Variants in PCDHGB1 observed in about 807,000 individuals in gnomAD.
PCDHGB1 encodes the protein protocadherin gamma-B1.
A neutral mutation model predicts 56.6 loss-of-function variants in PCDHGB1; 34 were observed. The ratio of observed to expected loss-of-function variants is 0.60; its 90% confidence interval spans 0.46 to 0.80. The LOEUF is 0.80. Ranked by LOEUF, PCDHGB1 falls within the 30% of genes least tolerant of loss-of-function variation. The pLI is 0.00. For synonymous variants in PCDHGB1, 561 were observed against 505.9 expected (o/e 1.11, Z -1.46); for missense variants, 1,278 against 1,204.6 (o/e 1.06, Z -0.90).
At position 141,512,047 on chromosome 5, in the gene PCDHGB1, C is replaced by T. The variant is rs1183612907; in HGVS notation, c.*874C>T. 1 of 152,722 alleles carries T rather than the reference C, an allele frequency of 6.5e-6. No individual in the cohort carries two copies. The highest frequency in any genetic ancestry group is 1.5e-5 in the Non-Finnish European group (1 of 68,120). The allele number at this position is 152,722 out of a possible 1,614,324, so 9.5% of individuals were successfully genotyped here. A position where few individuals can be genotyped will look rare whatever the true frequency, so the allele number is the denominator to read the frequency against. On this transcript the variant is annotated 3_prime_UTR_variant, in exon 4 of 4. Coordinates refer to ENST00000523390, the MANE Select transcript of PCDHGB1 (RefSeq NM_018922.3). The stretch of plus-strand genomic sequence containing the variant: ...CCTTGGAGGAGGCTCTGTATGTCCT[C>T]AGGGGACTGACAACATCCTCCAGAT...
At chr5:141,355,307 T>C (rs548636381) in intron 1 of PCDHGB1, 6 of 1,613,842 alleles carry the variant, frequency 3.7e-6, no homozygotes, top group South Asian at 3.3e-5. Context: ...TACTCGGTGT[T>C]TGAGGAGCAG....
intron 1 of PCDHGB1, chr5:141,356,922 T>A: frequency 6.2e-7 from 1 of 1,613,632 alleles, no homozygotes; most frequent in Non-Finnish European, 8.5e-7. Flanking sequence ...GCTCCACTGG[T>A]GTGGAGCTGG....
intron 1 of PCDHGB1, chr5:141,367,099 T>A (rs1197346861): frequency 4.0e-6 from 1 of 250,422 alleles, no homozygotes; most frequent in Admixed American, 5.1e-5. Context: ...CTTTTGAGTG[T>A]CTGCCTAGAC....
rs1758904827 is a variant in PCDHGB1 at position 141,352,057 on chromosome 5, G to A, written c.1797G>A (p.Trp599Ter). 5 of 1,606,652 alleles carry A rather than the reference G, an allele frequency of 3.1e-6. No individual in the cohort carries two copies. In the African/African-American group the frequency reaches 4.0e-5, roughly 13 times the overall value. Residue 599 changes from tryptophan to a stop codon, truncating the protein, a stop_gained, in exon 1 of 4, where the codon TGG (tryptophan) becomes TGA (stop). Coordinates refer to ENST00000523390, the MANE Select transcript of PCDHGB1 (RefSeq NM_018922.3). LOFTEE classifies it high-confidence loss of function. ...ACGCAGACTCAGGACACAACGCTTG[G>A]CTGTCCTACCACGTGCTGCAGGCCA... is the stretch of plus-strand genomic sequence containing the variant. ...AVDADSGHNA[W>*]LSYHVLQASE...
chr5:141,383,626 T>C (rs747491955), intron 1 of PCDHGB1: 1 of 1,613,896 alleles, frequency 6.2e-7, no homozygotes, highest in Non-Finnish European at 8.5e-7. Context: ...GCCTGTCTTC[T>C]CTCTGCCTCA....
intron 1 of PCDHGB1, chr5:141,361,414 G>C (rs767003818): frequency 1.2e-6 from 2 of 1,613,876 alleles, no homozygotes; most frequent in East Asian, 2.2e-5. Context: ...AGCCACCGAC[G>C]GGGGCAAGCC....
At position 141,418,204 on chromosome 5, in the gene PCDHGB1, T is replaced by G. The variant is rs1456912993; in HGVS notation, c.2409+65535T>G. ...AAGCTGTGGTGGAAAATCCTTTAAATATTTTTCATGTCATTGTGGTGATTG... is the reference window on the plus strand; with the variant it reads ...AAGCTGTGGTGGAAAATCCTTTAAAGATTTTTCATGTCATTGTGGTGATTG... On this transcript the variant is annotated intron_variant, in intron 1 of 3. Transcript: ENST00000523390. The G allele has an allele frequency of 2.5e-6, 4 of 1,614,054 alleles. No homozygotes were observed. The East Asian group carries it at 8.9e-5, about 36-fold the overall frequency.
At chr5:141,510,272 T>TAA (rs546154379) in intron 3 of PCDHGB1, among the ~76,000 whole-genome samples, 3,403 of 130,344 alleles carry the variant, frequency 0.026, 48 homozygotes, top group East Asian at 0.043. Context: ...GACTCCATCT[T>TAA]AAAAAAAAAA....
chr5:141,511,093 G>A lies in PCDHGB1; in HGVS notation c.2704G>A (p.Ala902Thr), dbSNP rs377350933. The change falls in exon 4 of 4, where the codon GCA (alanine) becomes ACA (threonine). Residue 902 changes from alanine to threonine, a missense_variant. Physicochemically the swap from Ala to Thr is moderately conservative, Grantham distance 58. Coordinates refer to ENST00000523390, the MANE Select transcript of PCDHGB1 (RefSeq NM_018922.3). Reference protein sequence around the residue: ...IPGSNATLTNAAGKRDGKAPA... With the variant: ...IPGSNATLTNTAGKRDGKAPA... ...AGGCAGCAATGCCACACTGACCAACGCAGCTGGCAAGCGGGATGGCAAGGC... is the reference window on the plus strand; with the variant it reads ...AGGCAGCAATGCCACACTGACCAACACAGCTGGCAAGCGGGATGGCAAGGC... 8 of 1,614,072 alleles carry A rather than the reference G, an allele frequency of 5.0e-6. No individual in the cohort carries two copies. Among genetic ancestry groups the A allele is most frequent in the African/African-American group, 4.0e-5 (3 of 74,916 alleles).
Position 141,432,943 on chromosome 5 carries a change from A to G in PCDHGB1, c.2410-61864A>G, listed in dbSNP as rs1200038728. ...ACAAGTCACGCCTGCTGCAGGCTTC[A>G]GGAGGCGGCTTGACAGGAGCGCCGG... On this transcript the variant is annotated intron_variant, in intron 1 of 3. Transcript: ENST00000523390. This position sits in a 1 kb window ranked among gnomAD's most constrained non-coding sequence, Gnocchi z 6.0. 5.6e-6 allele frequency: 9 copies of G among 1,614,168 alleles called. No homozygotes were observed. The highest frequency in any genetic ancestry group is 1.7e-4 in the Middle Eastern group (1 of 6,060).
chr5:141,441,517 G>A (rs1316654534), intron 1 of PCDHGB1: 1 of 172,138 alleles, frequency 5.8e-6, no homozygotes, highest in South Asian at 1.3e-4. Flanking sequence ...CGTCGTCCAC[G>A]TGGCCAAGAA....
At chr5:141,460,985 ATATATATATATGTG>A (rs2099005673) in intron 1 of PCDHGB1, among the ~76,000 whole-genome samples, 1 of 91,766 alleles carries the variant, frequency 1.1e-5, no homozygotes, top group Non-Finnish European at 2.2e-5. Flanking sequence ...GTGTGTGTGT[ATATATATATATGTG>A]TATATATATA....
chr5:141,489,563 T>C lies in PCDHGB1; in HGVS notation c.2410-5244T>C, dbSNP rs2099689031. ...ACCAGCTGCCTGCTGCCAGTGCAGG[T>C]GGTGACTGAACACCCCCTGGAGCTA... On this transcript the variant is annotated intron_variant, in intron 1 of 3. Coordinates refer to ENST00000523390, the MANE Select transcript of PCDHGB1 (RefSeq NM_018922.3). The surrounding 1 kb of genome is among the most constrained non-coding windows in gnomAD (Gnocchi z 4.5). 13 of 1,614,006 alleles carry C rather than the reference T, an allele frequency of 8.1e-6. No homozygotes were observed. The highest frequency in any genetic ancestry group is 1.1e-5 in the Non-Finnish European group (13 of 1,179,976).
intron 1 of PCDHGB1, chr5:141,415,308 C>G (rs2154545628): frequency 6.2e-7 from 1 of 1,614,236 alleles, no homozygotes; most frequent in Non-Finnish European, 8.5e-7. Context: ...TCCTGGCCTT[C>G]GTCATCGTGC....
At chr5:141,355,771 T>C (rs1160027293) in intron 1 of PCDHGB1, 3 of 1,613,870 alleles carry the variant, frequency 1.9e-6, no homozygotes, top group Non-Finnish European at 2.5e-6. Context: ...TGGGATTAAG[T>C]ACCCAGAGCT....
chr5:141,401,158 A>AT (rs1314149261), intron 1 of PCDHGB1, among the ~76,000 whole-genome samples: 1 of 152,194 alleles, frequency 6.6e-6, no homozygotes, highest in Non-Finnish European at 1.5e-5. Context: ...CCTGGGCAAT[A>AT]TGGTGAAAAC....
chr5:141,490,933 C>T lies in PCDHGB1; in HGVS notation c.2410-3874C>T, dbSNP rs781291690. ...CGAGAATGATAATGCCCCAGCTGTG[C>T]TGCACCCACGGCCAGACTGGGAACA... On this transcript the variant is annotated intron_variant, in intron 1 of 3. Transcript: ENST00000523390. The surrounding 1 kb of genome is among the most constrained non-coding windows in gnomAD (Gnocchi z 5.4). 5.0e-6 allele frequency: 8 copies of T among 1,613,702 alleles called. No individual in the cohort carries two copies. The highest frequency in any genetic ancestry group is 5.9e-6 in the Non-Finnish European group (7 of 1,179,770).
At position 141,370,581 on chromosome 5, in the gene PCDHGB1, A is replaced by G. The variant is rs750222191; in HGVS notation, c.2409+17912A>G. 6.2e-6 allele frequency: 10 copies of G among 1,613,758 alleles called. No homozygotes were observed. The Admixed American group carries it at 1.0e-4, about 16-fold the overall frequency. ...GGGGTTTGGCGTGGGGGATTTACCT[A>G]CTAGGAACCTGCGGGTTATTGCAGA... On this transcript the variant is annotated intron_variant, in intron 1 of 3. Coordinates refer to ENST00000523390, the MANE Select transcript of PCDHGB1 (RefSeq NM_018922.3).
At chr5:141,404,112 A>G (rs372014000) in intron 1 of PCDHGB1, 3 of 1,613,380 alleles carry the variant, frequency 1.9e-6, no homozygotes, top group Non-Finnish European at 2.5e-6. Context: ...TGTTCTATCC[A>G]GGAGAATCTA....
Sources: allele counts gnomAD v4.1 joint callset (sites outside exome capture counted in the v4.1 genomes callset), GRCh38; gene constraint gnomAD v4.1.1; non-coding constraint Gnocchi (gnomAD v3.1); transcripts MANE v1.5; gene names NCBI Gene and HGNC (gene_info 2026-07-23, HGNC 2026-07-21).